MARCO: variants seen among roughly 807,000 people sequenced by gnomAD.
MARCO encodes macrophage receptor with collagenous structure.
In MARCO, 72 loss-of-function variants were observed where a neutral mutation model predicts 70.0. That is an observed-to-expected ratio of 1.03 (90% CI 0.85 to 1.25). The LOEUF (loss-of-function observed/expected upper bound fraction) is 1.25. Among genes scored for constraint, MARCO ranks in the 50% most tolerant of loss-of-function variants. The pLI is 0.00. For missense variants in MARCO, 696 were observed against 659.3 expected (o/e 1.06, Z -0.61); for synonymous variants, 273 against 243.1 (o/e 1.12, Z -1.14).
At chr2:118,958,548 G>C (rs959477628) in intron 1 of MARCO, among the ~76,000 whole-genome samples, 28 of 152,278 alleles carry the variant, frequency 1.8e-4, no homozygotes, top group Non-Finnish European at 3.7e-4. Flanking sequence ...TCATGGATGG[G>C]TAGAAACAAT....
chr2:118,964,157 T>C (rs1680000485), intron 1 of MARCO, among the ~76,000 whole-genome samples: 1 of 152,220 alleles, frequency 6.6e-6, no homozygotes. Context: ...TTTATGTTCT[T>C]TAGCCTTCTC....
At chr2:118,945,251 T>G (rs1003229389) in intron 1 of MARCO, among the ~76,000 whole-genome samples, 1 of 152,136 alleles carries the variant, frequency 6.6e-6, no homozygotes, top group African/African-American at 2.4e-5. Context: ...TGTCTGTTTC[T>G]ACCTTTTTGA....
rs747127628 is a variant in MARCO at position 118,993,203 on chromosome 2, G to A, written c.1332G>A (p.Gly444=). 4 of 1,614,182 alleles carry A rather than the reference G, an allele frequency of 2.5e-6. No homozygotes were observed. Among genetic ancestry groups the A allele is most frequent in the Non-Finnish European group, 3.4e-6 (4 of 1,180,028 alleles). ...AAGTTTACTACAGTGGTACCTGGGG[G>A]ACAATTTGCGATGACGAGTGGCAAA... ...RAEVYYSGTW[G]TICDDEWQNS... is the part of the protein sequence containing the mutation. The change falls in exon 16 of 17, where the codon GGG becomes GGA. Residue 444 remains glycine, a synonymous_variant. Coordinates refer to ENST00000327097, the MANE Select transcript of MARCO (RefSeq NM_006770.4).
At chr2:118,979,582 G>A (rs1242066976) in intron 8 of MARCO, among the ~76,000 whole-genome samples, 2 of 152,182 alleles carry the variant, frequency 1.3e-5, no homozygotes, top group Admixed American at 6.5e-5. Context: ...TGCCCACTGA[G>A]TCTGAGTTAT....
chr2:118,968,532 A>G (rs1680099045), intron 1 of MARCO, among the ~76,000 whole-genome samples: 1 of 152,168 alleles, frequency 6.6e-6, no homozygotes, highest in African/African-American at 2.4e-5. Flanking sequence ...GGAAGACCAC[A>G]CCCCAGAGTG....
In MARCO at chr2:118,942,248, G is replaced by A; in HGVS notation, c.-53G>A. 3 of 1,216,594 alleles carry A rather than the reference G, an allele frequency of 2.5e-6. No homozygotes were observed. The highest frequency in any genetic ancestry group is 1.2e-5 in the South Asian group (1 of 82,140). The allele number at this position is 1,216,594 out of a possible 1,614,324, so 75.4% of individuals were successfully genotyped here. On this transcript the variant is annotated 5_prime_UTR_variant, in exon 1 of 17. Coordinates refer to ENST00000327097, the MANE Select transcript of MARCO (RefSeq NM_006770.4). Reference sequence around the variant, plus strand: ...GATCTTTCTCCAAGTGGTTCCTCTTGAGGGGAGCATTTCTGCTGGCTCCAG... The same window carrying A: ...GATCTTTCTCCAAGTGGTTCCTCTTAAGGGGAGCATTTCTGCTGGCTCCAG...
chr2:118,980,672 G>T (rs1336938471), intron 8 of MARCO, among the ~76,000 whole-genome samples: 1 of 152,202 alleles, frequency 6.6e-6, no homozygotes, highest in Non-Finnish European at 1.5e-5. Flanking sequence ...ACCCCCAGGG[G>T]AGTGGAGTTG....
At chr2:118,963,886 A>T (rs1376587598) in intron 1 of MARCO, among the ~76,000 whole-genome samples, 3 of 152,118 alleles carry the variant, frequency 2.0e-5, no homozygotes, top group Admixed American at 2.0e-4. Flanking sequence ...TAAATTGGCC[A>T]TCTTATTGTG....
intron 12 of MARCO, among the ~76,000 whole-genome samples, chr2:118,983,954 C>T (rs1680440672): frequency 6.6e-6 from 1 of 152,154 alleles, no homozygotes; most frequent in East Asian, 1.9e-4. Flanking sequence ...CTGCCCTGCC[C>T]TTTGCATCCT....
chr2:118,990,661 T>C (rs776774455), intron 13 of MARCO, 28 bp downstream of exon 13: 2 of 1,470,638 alleles, frequency 1.4e-6, no homozygotes, highest in East Asian at 6.2e-5. Flanking sequence ...TCTTCATCCC[T>C]CGGAGTGATG....
At chr2:118,983,883 G>A (rs989869611) in intron 12 of MARCO, among the ~76,000 whole-genome samples, 1 of 152,112 alleles carries the variant, frequency 6.6e-6, no homozygotes, top group Admixed American at 6.5e-5. Context: ...ACCCACAGGA[G>A]CATTGTGCTT....
Position 118,974,510 on chromosome 2 carries a change from T to C in MARCO, c.569-11T>C, listed in dbSNP as rs1265034614. Reference sequence around the variant, plus strand: ...TCTCTGGCTTCACTCTGAATTCCCTTTCCCTTCCAGGCCCCTCGGGACCCC... The same window carrying C: ...TCTCTGGCTTCACTCTGAATTCCCTCTCCCTTCCAGGCCCCTCGGGACCCC... On this transcript the variant is annotated splice_polypyrimidine_tract_variant and intron_variant, in intron 5 of 16. Transcript: ENST00000327097. The C allele has an allele frequency of 6.2e-7, 1 of 1,613,838 alleles. No homozygotes were observed. Among genetic ancestry groups the C allele is most frequent in the Non-Finnish European group, 8.5e-7 (1 of 1,179,982 alleles).
At chr2:118,955,558 G>A (rs1679818999) in intron 1 of MARCO, among the ~76,000 whole-genome samples, 1 of 152,126 alleles carries the variant, frequency 6.6e-6, no homozygotes, top group Admixed American at 6.5e-5. Flanking sequence ...AACTTTCCTG[G>A]CCTTCCCAGA....
chr2:118,974,922 C>A (rs1051547859), intron 6 of MARCO, among the ~76,000 whole-genome samples: 2 of 152,166 alleles, frequency 1.3e-5, no homozygotes, highest in African/African-American at 2.4e-5. Flanking sequence ...CAGGCACATG[C>A]ACCTCCACCT....
intron 8 of MARCO, among the ~76,000 whole-genome samples, chr2:118,980,593 C>T (rs1413780014): frequency 6.6e-6 from 1 of 152,158 alleles, no homozygotes; most frequent in Non-Finnish European, 1.5e-5. Flanking sequence ...CCCAATAAGC[C>T]TTTTTGAAAG....
chr2:118,950,382 C>T (rs1422054399), intron 1 of MARCO, among the ~76,000 whole-genome samples: 2 of 152,166 alleles, frequency 1.3e-5, no homozygotes, highest in Non-Finnish European at 2.9e-5. Flanking sequence ...ACCCCTTTAA[C>T]TTTAGCCAAT....
At chr2:118,964,938 G>C (rs1338724630) in intron 1 of MARCO, among the ~76,000 whole-genome samples, 1 of 150,022 alleles carries the variant, frequency 6.7e-6, no homozygotes, top group Non-Finnish European at 1.5e-5. Context: ...ATTTGTCTCT[G>C]GCTGCTTTCT....
At chr2:118,992,302 G>C in intron 14 of MARCO, 130 bp from the exon 15 acceptor site, 1 of 694,518 alleles carries the variant, frequency 1.4e-6, no homozygotes, top group East Asian at 2.7e-5. Flanking sequence ...CATAATGCCA[G>C]GCCACAGGCG....
intron 2 of MARCO, among the ~76,000 whole-genome samples, chr2:118,969,708 C>G (rs1252743007): frequency 6.6e-6 from 1 of 152,172 alleles, no homozygotes; most frequent in Non-Finnish European, 1.5e-5. Context: ...CTCAAGAACG[C>G]TGAATGAGCA....
Sources: allele counts gnomAD v4.1 joint callset (sites outside exome capture counted in the v4.1 genomes callset), GRCh38; gene constraint gnomAD v4.1.1; transcripts MANE v1.5; gene names NCBI Gene and HGNC (gene_info 2026-07-23, HGNC 2026-07-21).